Variants in FRAS1 observed in about 807,000 individuals in gnomAD.
FRAS1 encodes the protein extracellular matrix organizing protein FRAS1.
In FRAS1, 290 loss-of-function variants were observed where a neutral mutation model predicts 435.2. That is an observed-to-expected ratio of 0.67 (90% confidence interval 0.61 to 0.73). The LOEUF (loss-of-function observed/expected upper bound fraction) is 0.73. FRAS1 is among the 30% of genes least tolerant of loss of function. The pLI, the probability that FRAS1 is intolerant of heterozygous loss-of-function variation, is 0.00. For synonymous variants in FRAS1, 1,800 were observed against 1,851.0 expected, an observed-to-expected ratio of 0.97 and a Z score of 0.71; for missense variants, 4,860 against 5,001.5, an observed-to-expected ratio of 0.97 and a Z score of 0.85.
At chr4:78,059,588 A>C (rs1560502133) in intron 1 of FRAS1, among the ~76,000 whole-genome samples, 1 of 151,750 alleles carries the variant, frequency 6.6e-6, no homozygotes, top group Admixed American at 6.6e-5. Context: ...CCCAAACCTG[A>C]ACTTGGTACT....
At chr4:78,287,481 T>G (rs922509478) in intron 14 of FRAS1, among the ~76,000 whole-genome samples, 1 of 152,100 alleles carries the variant, frequency 6.6e-6, no homozygotes, top group Non-Finnish European at 1.5e-5. Flanking sequence ...AAAAGGCAGA[T>G]AGACCAGGGG....
intron 2 of FRAS1, among the ~76,000 whole-genome samples, chr4:78,094,100 C>T (rs1458363259): frequency 7.1e-6 from 1 of 141,280 alleles, no homozygotes; most frequent in Admixed American, 7.4e-5. Flanking sequence ...TTTTGAATAA[C>T]CAAGTTTTTT....
At chr4:78,430,438 T>A in intron 37 of FRAS1, 21 bp downstream of exon 37, 1 of 1,602,130 alleles carries the variant, frequency 6.2e-7, no homozygotes, top group Non-Finnish European at 8.5e-7. Context: ...ACCTACACAC[T>A]CTGTCACTGA....
intron 1 of FRAS1, among the ~76,000 whole-genome samples, chr4:78,064,669 G>A (rs1184403883): frequency 1.3e-5 from 2 of 151,474 alleles, no homozygotes; most frequent in Admixed American, 1.3e-4. Flanking sequence ...TGCCCACAGA[G>A]ATCTTTGATT....
intron 26 of FRAS1, 165 bp from the exon 27 acceptor site, chr4:78,379,561 C>T: frequency 1.5e-6 from 1 of 682,974 alleles, no homozygotes. Context: ...ATGCTATAAA[C>T]TCCAGCACAC....
At chr4:78,495,364 TTTTGAAG>T (rs1720481304) in intron 59 of FRAS1, among the ~76,000 whole-genome samples, 1 of 152,186 alleles carries the variant, frequency 6.6e-6, no homozygotes, top group South Asian at 2.1e-4. Context: ...TGATTAGTCC[TTTTGAAG>T]TTTAGCATAA....
intron 70 of FRAS1, among the ~76,000 whole-genome samples, chr4:78,527,785 T>C (rs1378420803): frequency 1.3e-5 from 2 of 152,096 alleles, no homozygotes; most frequent in Non-Finnish European, 2.9e-5. Flanking sequence ...TGGAAACAGA[T>C]GAGGAGTCAA....
intron 2 of FRAS1, chr4:78,070,703 A>G (rs1276420891): frequency 6.6e-6 from 1 of 152,212 alleles, no homozygotes; most frequent in Non-Finnish European, 1.5e-5. Context: ...TTCATTTCAA[A>G]GTTTTCACAC....
At chr4:78,293,064 A>G (rs905075728) in intron 14 of FRAS1, among the ~76,000 whole-genome samples, 4 of 152,208 alleles carry the variant, frequency 2.6e-5, no homozygotes, top group African/African-American at 9.7e-5. Context: ...CCCAGACACC[A>G]GAGATACAGA....
chr4:78,517,965 A>AC, intron 66 of FRAS1, among the ~76,000 whole-genome samples: 1 of 152,074 alleles, frequency 6.6e-6, no homozygotes, highest in East Asian at 1.9e-4. Flanking sequence ...AAGAACAAAA[A>AC]GAGGGGCTGG....
chr4:78,407,077 C>T (rs1733128286), intron 30 of FRAS1, among the ~76,000 whole-genome samples: 1 of 152,188 alleles, frequency 6.6e-6, no homozygotes, highest in African/African-American at 2.4e-5. Flanking sequence ...CATGTTTAGA[C>T]TTGGGTCCTG....
At chr4:78,518,450 A>ATATATATATATATATTTATT (rs1487744216) in intron 66 of FRAS1, among the ~76,000 whole-genome samples, 23 of 69,328 alleles carry the variant, frequency 3.3e-4, no homozygotes, top group African/African-American at 8.3e-4. Flanking sequence ...ATATATATAT[A>ATATATATATATATATTTATT]TATTTATTTA....
intron 18 of FRAS1, among the ~76,000 whole-genome samples, chr4:78,330,588 G>T (rs1271967018): frequency 2.0e-5 from 3 of 152,128 alleles, no homozygotes; most frequent in African/African-American, 7.2e-5. Context: ...GCGCCTGGGG[G>T]GTCTCTGAAC....
chr4:78,172,653 T>G (rs900386541), intron 2 of FRAS1, among the ~76,000 whole-genome samples: 1 of 152,126 alleles, frequency 6.6e-6, no homozygotes, highest in Non-Finnish European at 1.5e-5. Flanking sequence ...TTTTAAAAAG[T>G]AAGATTTTTT....
chr4:78,522,724 T>C lies in FRAS1; in HGVS notation c.10724T>C (p.Ile3575Thr), dbSNP rs202198985. 680 of 1,612,088 alleles carry C rather than the reference T, an allele frequency of 4.2e-4. 1 individual carries two copies. Among genetic ancestry groups the C allele is most frequent in the Non-Finnish European group, 5.4e-4 (635 of 1,179,096 alleles). ...FVLTPDHLGG[I>T]EFDLQLLWSA... ...TTGACTCCAGACCACCTAGGAGGAATTGAATTTGACTTGCAGCTATTATGG... is the reference window on the plus strand; with the variant it reads ...TTGACTCCAGACCACCTAGGAGGAACTGAATTTGACTTGCAGCTATTATGG... Residue 3575 changes from isoleucine to threonine, a missense_variant, in exon 69 of 74, where the codon ATT becomes ACT. Transcript: ENST00000512123.
chr4:78,064,754 A>G (rs760649344), intron 1 of FRAS1, among the ~76,000 whole-genome samples: 14 of 152,044 alleles, frequency 9.2e-5, no homozygotes, highest in Non-Finnish European at 1.8e-4. Flanking sequence ...GAGAAGGTAG[A>G]CCAATTCTTT....
At chr4:78,402,643 A>C (rs895848873) in intron 30 of FRAS1, among the ~76,000 whole-genome samples, 2 of 152,196 alleles carry the variant, frequency 1.3e-5, no homozygotes, top group Non-Finnish European at 2.9e-5. Context: ...TGAAACCAGG[A>C]AATTAACACT....
intron 2 of FRAS1, among the ~76,000 whole-genome samples, chr4:78,116,940 A>G (rs1158029231): frequency 1.3e-5 from 2 of 152,174 alleles, no homozygotes; most frequent in East Asian, 1.9e-4. Context: ...GATCTTTACA[A>G]TTTGGCATGT....
chr4:78,255,418 A>G (rs1383033661), intron 6 of FRAS1, 43 bp downstream of exon 6: 3 of 1,532,328 alleles, frequency 2.0e-6, no homozygotes, highest in East Asian at 2.3e-5. Flanking sequence ...CGGGCTATTG[A>G]AGAACTTGGA....
Sources: allele counts gnomAD v4.1 joint callset (sites outside exome capture counted in the v4.1 genomes callset), GRCh38; gene constraint gnomAD v4.1.1; transcripts MANE v1.5; gene names NCBI Gene and HGNC (gene_info 2026-07-23, HGNC 2026-07-21).